CUL2: variants seen among roughly 807,000 people sequenced by gnomAD.
The protein encoded by CUL2 is cullin 2, also known as cullin-2.
In CUL2, 22 loss-of-function variants were observed where a neutral mutation model predicts 110.2. That is an observed-to-expected ratio of 0.20 (90% CI 0.14 to 0.28). The LOEUF (loss-of-function observed/expected upper bound fraction) is 0.28. Among genes scored for constraint, CUL2 ranks in the 10% least tolerant of loss-of-function variants. The probability of loss-of-function intolerance (pLI) is 1.00; values close to 1 mark genes in which losing one functional copy is unlikely to be tolerated. For missense variants in CUL2, 631 were observed against 905.5 expected, an observed-to-expected ratio of 0.70 and a Z score of 3.89; for synonymous variants, 279 against 293.2, an observed-to-expected ratio of 0.95 and a Z score of 0.49.
chr10:35,009,183 G>GATATAT lies in CUL2; in HGVS notation c.*1122_*1127dup, dbSNP rs1554851930. 2 of 117,044 alleles carry GATATAT rather than the reference G, an allele frequency of 1.7e-5. No individual in the cohort carries two copies. Among genetic ancestry groups the GATATAT allele is most frequent in the African/African-American group, 3.1e-5 (1 of 32,612 alleles). 7.3% of individuals were successfully genotyped at this position (117,044 alleles called of 1,614,324 possible). On this transcript the variant is annotated 3_prime_UTR_variant, in exon 21 of 21. Coordinates refer to ENST00000374749, the MANE Select transcript of CUL2 (RefSeq NM_003591.4). ...GCAGTACTCTTAACACTGCTGTTGA[G>GATATAT]ATATATATATATATATATTATATAT... is the stretch of plus-strand genomic sequence containing the variant.
intron 4 of CUL2, among the ~76,000 whole-genome samples, chr10:35,058,816 T>C (rs1213424690): frequency 6.6e-6 from 1 of 152,210 alleles, no homozygotes; most frequent in Non-Finnish European, 1.5e-5. Context: ...CAGCCACAGA[T>C]GCATCTGTGC....
chr10:35,060,840 G>A (rs371044907), intron 4 of CUL2, 34 bp downstream of exon 4: 647 of 1,554,814 alleles, frequency 4.2e-4, no homozygotes, highest in Non-Finnish European at 5.5e-4. Context: ...AGGCAACGCT[G>A]CTTAGCTTGT....
At position 35,054,327 on chromosome 10, in the gene CUL2, C is replaced by T. The variant is rs527262013; in HGVS notation, c.423+107G>A. On this transcript the variant is annotated intron_variant, in intron 5 of 20. Coordinates refer to ENST00000374749, the MANE Select transcript of CUL2 (RefSeq NM_003591.4). ...TATTTAGGATCTTTTAAATCTTGAC[C>T]ATTTTAAGCTAGCCAAATCAGTGTC... The T allele has an allele frequency of 9.2e-5, 58 of 627,864 alleles. 1 individual carries two copies. The highest frequency in any genetic ancestry group is 6.2e-5 in the South Asian group (3 of 48,732). The allele number at this position is 627,864 out of a possible 1,614,324, so 38.9% of individuals were successfully genotyped here.
chr10:35,064,424 A>G (rs1262782260), intron 2 of CUL2, among the ~76,000 whole-genome samples: 1 of 152,192 alleles, frequency 6.6e-6, no homozygotes, highest in African/African-American at 2.4e-5. Context: ...CTTCTACAAA[A>G]TTTATTTTTA....
chr10:35,122,228 C>A (rs2087686685), intron 1 of CUL2, among the ~76,000 whole-genome samples: 1 of 152,134 alleles, frequency 6.6e-6, no homozygotes, highest in African/African-American at 2.4e-5. Context: ...TAAGGTGAAT[C>A]AATTTTCTAG....
chr10:35,082,535 C>T (rs1219600568), intron 1 of CUL2, among the ~76,000 whole-genome samples: 1 of 152,002 alleles, frequency 6.6e-6, no homozygotes, highest in African/African-American at 2.4e-5. Context: ...TAAACTATAC[C>T]CTTAATGACG....
At chr10:35,081,446 T>A (rs570119188) in intron 1 of CUL2, among the ~76,000 whole-genome samples, 62 of 152,184 alleles carry the variant, frequency 4.1e-4, no homozygotes, top group Admixed American at 4.6e-4. Flanking sequence ...CTGACATTTT[T>A]AAAAAAAACT....
At chr10:35,021,910 G>GTGAGGTGGGA in intron 17 of CUL2, among the ~76,000 whole-genome samples, 1 of 145,236 alleles carries the variant, frequency 6.9e-6, no homozygotes, top group Non-Finnish European at 1.5e-5. Flanking sequence ...GTGAGGTGGG[G>GTGAGGTGGGA]CGAAGTGGGG....
chr10:35,068,109 C>CA (rs35151461), intron 2 of CUL2, among the ~76,000 whole-genome samples: 1,454 of 93,272 alleles, frequency 0.016, 19 homozygotes, highest in African/African-American at 0.038. Flanking sequence ...GACTCCGTCT[C>CA]AAAAAAAAAA....
At chr10:35,035,027 A>G in intron 10 of CUL2, 145 bp downstream of exon 10, 1 of 986,072 alleles carries the variant, frequency 1.0e-6, no homozygotes, top group South Asian at 1.7e-5. Flanking sequence ...AACAAATTCT[A>G]GGTTTAAAAC....
At chr10:35,043,238 G>C (rs1382848963) in intron 8 of CUL2, among the ~76,000 whole-genome samples, 2 of 152,130 alleles carry the variant, frequency 1.3e-5, no homozygotes, top group African/African-American at 4.8e-5. Flanking sequence ...CAGCCAGACA[G>C]AGCAAAGTGC....
At chr10:35,049,544 G>A in intron 6 of CUL2, 139 bp downstream of exon 6, 1 of 539,484 alleles carries the variant, frequency 1.9e-6, no homozygotes, top group Non-Finnish European at 3.2e-6. Context: ...AAAAAATGCT[G>A]GCATTGGAAG....
intron 14 of CUL2, among the ~76,000 whole-genome samples, chr10:35,030,380 T>G (rs898180284): frequency 1.3e-5 from 2 of 152,216 alleles, no homozygotes; most frequent in African/African-American, 2.4e-5. Flanking sequence ...CACTACTTTT[T>G]TTTTGTAATT....
At chr10:35,038,547 A>AAAAAAAC in intron 9 of CUL2, among the ~76,000 whole-genome samples, 2 of 149,356 alleles carry the variant, frequency 1.3e-5, no homozygotes, top group African/African-American at 2.4e-5. Flanking sequence ...AAAAAAAAAA[A>AAAAAAAC]AAATCAGATA....
At chr10:35,122,591 T>C (rs953448104) in intron 1 of CUL2, among the ~76,000 whole-genome samples, 1 of 152,254 alleles carries the variant, frequency 6.6e-6, no homozygotes, top group African/African-American at 2.4e-5. Context: ...ATTTAATTCA[T>C]GTAACTTGTG....
At chr10:35,124,542 C>G (rs2087716376) in intron 1 of CUL2, among the ~76,000 whole-genome samples, 1 of 152,094 alleles carries the variant, frequency 6.6e-6, no homozygotes. Context: ...CTTGAGAAAT[C>G]TGAAGGTGAG....
chr10:35,062,767 G>C (rs1285756953), intron 3 of CUL2, among the ~76,000 whole-genome samples, 193 bp downstream of exon 3: 4 of 151,880 alleles, frequency 2.6e-5, no homozygotes, highest in African/African-American at 9.7e-5. Context: ...AGCCAGGGAA[G>C]TCGGGGCTGC....
intron 4 of CUL2, among the ~76,000 whole-genome samples, chr10:35,055,733 A>G (rs1012842621): frequency 2.0e-5 from 3 of 150,800 alleles, no homozygotes; most frequent in African/African-American, 7.2e-5. Flanking sequence ...AAGTTACAAG[A>G]TCATACTCTT....
intron 9 of CUL2, among the ~76,000 whole-genome samples, chr10:35,038,581 AATT>A: frequency 6.7e-6 from 1 of 149,286 alleles, no homozygotes; most frequent in Non-Finnish European, 1.5e-5. Flanking sequence ...ATATTATATA[AATT>A]ATTACATTTA....
Sources: allele counts gnomAD v4.1 joint callset (sites outside exome capture counted in the v4.1 genomes callset), GRCh38; gene constraint gnomAD v4.1.1; transcripts MANE v1.5; gene names NCBI Gene and HGNC (gene_info 2026-07-23, HGNC 2026-07-21).